Variants in SMIM9 observed in about 807,000 individuals in gnomAD.
SMIM9 encodes small integral membrane protein 9.
Under a neutral mutation model 7.2 loss-of-function variants are expected in SMIM9, and 8 were observed. The ratio of observed to expected loss-of-function variants is 1.10; its 90% confidence interval spans 0.65 to 1.99. The LOEUF (loss-of-function observed/expected upper bound fraction) is 1.99. Among genes scored for constraint, SMIM9 ranks in the 30% most tolerant of loss-of-function variants. The probability of loss-of-function intolerance (pLI) is 0.00; values close to 1 mark genes in which losing one functional copy is unlikely to be tolerated. For missense variants in SMIM9, 76 were observed against 69.3 expected, an observed-to-expected ratio of 1.10 and a Z score of -0.34; for synonymous variants, 19 against 26.4, an observed-to-expected ratio of 0.72 and a Z score of 0.86.
intron 2 of SMIM9, among the ~76,000 whole-genome samples, chrX:154,831,986 CTT>C (rs1557270618): frequency 1.8e-5 from 2 of 111,157 alleles, no homozygotes. Flanking sequence ...TTTTACTTTA[CTT>C]TATTATATGT....
rs1557270539 is a variant in SMIM9 at position 154,830,920 on chromosome X, T to G, written c.-64A>C. 1 of 1,085,145 alleles carries G rather than the reference T, an allele frequency of 9.2e-7. No individual in the cohort carries two copies. The highest frequency in any genetic ancestry group is 1.2e-6 in the Non-Finnish European group (1 of 816,891). The allele number at this position is 1,085,145 out of a possible 1,213,427, so 89.4% of individuals were successfully genotyped here. A position where few individuals can be genotyped will look rare whatever the true frequency, so the allele number is the denominator to read the frequency against. Reference sequence around the variant, plus strand: ...CCTAGCTCACTCTGCCAAGGAGAGATGTCTTTGTCCGTAGGTCTTTCCACA... The same window carrying G: ...CCTAGCTCACTCTGCCAAGGAGAGAGGTCTTTGTCCGTAGGTCTTTCCACA... On this transcript the variant is annotated 5_prime_UTR_variant, in exon 3 of 5. Coordinates refer to ENST00000369529, the MANE Select transcript of SMIM9 (RefSeq NM_001162936.4).
chrX:154,833,670 A>G (rs1401472883), intron 1 of SMIM9, among the ~76,000 whole-genome samples: 1 of 110,299 alleles, frequency 9.1e-6, no homozygotes, highest in African/African-American at 3.3e-5. Context: ...GCACATGTAT[A>G]CCTACGTAAC....
intron 1 of SMIM9, among the ~76,000 whole-genome samples, chrX:154,834,308 C>G (rs1285367131): frequency 1.8e-5 from 2 of 112,397 alleles, no homozygotes; most frequent in East Asian, 5.6e-4. Context: ...TCTGAAAGAG[C>G]TAAACACACA....
chrX:154,824,292 C>T (rs2072410268), intron 4 of SMIM9, among the ~76,000 whole-genome samples: 1 of 91,298 alleles, frequency 1.1e-5, no homozygotes, highest in African/African-American at 4.1e-5. Context: ...GGAGGCGGAG[C>T]TTGCAGTGAG....
intron 4 of SMIM9, among the ~76,000 whole-genome samples, chrX:154,824,355 C>CAAAAAAAAAAAAAAAAAA (rs375492512): frequency 4.7e-5 from 2 of 42,432 alleles, no homozygotes; most frequent in African/African-American, 1.7e-4. Context: ...GACTCCGTCT[C>CAAAAAAAAAAAAAAAAAA]AAAAAAAAAA....
chrX:154,825,160 C>T (rs1227397984), intron 4 of SMIM9, among the ~76,000 whole-genome samples: 2 of 111,343 alleles, frequency 1.8e-5, no homozygotes, highest in East Asian at 2.8e-4. Flanking sequence ...GAGGCCGAGG[C>T]GGGTGGATCA....
chrX:154,826,700 T>C lies in SMIM9; in HGVS notation c.272+2835A>G, dbSNP rs943134125. Among the ~76,000 whole-genome samples the C allele has an allele frequency of 4.4e-5, 5 of 112,939 alleles. No individual in the cohort carries two copies. In the East Asian group the frequency reaches 1.4e-3, roughly 31 times the overall value. On this transcript the variant is annotated intron_variant, in intron 4 of 4. Coordinates refer to ENST00000369529, the MANE Select transcript of SMIM9 (RefSeq NM_001162936.4). Reference sequence around the variant, plus strand: ...GCTTATACGTTTCTTGTGTTTTCCATATAGTAACTCTGCATAGATCTGGTG... The same window carrying C: ...GCTTATACGTTTCTTGTGTTTTCCACATAGTAACTCTGCATAGATCTGGTG...
At chrX:154,830,402 T>C (rs1557270468) in intron 3 of SMIM9, among the ~76,000 whole-genome samples, 1 of 110,872 alleles carries the variant, frequency 9.0e-6, no homozygotes, top group East Asian at 2.8e-4. Context: ...CCCAAAACAA[T>C]TTAAATTATC....
intron 3 of SMIM9, among the ~76,000 whole-genome samples, chrX:154,830,112 G>C (rs2072438009): frequency 1.8e-5 from 2 of 111,682 alleles, no homozygotes; most frequent in African/African-American, 6.5e-5. Context: ...AGGGCCACTG[G>C]AAGAAGGACC....
At chrX:154,829,459 G>A in intron 4 of SMIM9, 76 bp downstream of exon 4, 1 of 1,094,599 alleles carries the variant, frequency 9.1e-7, no homozygotes. Flanking sequence ...GCAGGCTGGT[G>A]AGCAACCTGT....
chrX:154,834,053 A>G (rs2072457188), intron 1 of SMIM9, among the ~76,000 whole-genome samples: 1 of 112,137 alleles, frequency 8.9e-6, no homozygotes, highest in Admixed American at 9.4e-5. Flanking sequence ...CTAGGTTGTG[A>G]CCCGAAACAC....
At chrX:154,827,131 G>T (rs782661611) in intron 4 of SMIM9, among the ~76,000 whole-genome samples, 26 of 112,182 alleles carry the variant, frequency 2.3e-4, no homozygotes, top group Non-Finnish European at 4.5e-4. Flanking sequence ...CTTTTTCTTG[G>T]CATATTGCCT....
chrX:154,828,092 T>C (rs2072429244), intron 4 of SMIM9, among the ~76,000 whole-genome samples: 1 of 111,852 alleles, frequency 8.9e-6, no homozygotes, highest in African/African-American at 3.3e-5. Context: ...TCATTAATTA[T>C]ACTCTGAATG....
rs2072441973 is a variant in SMIM9, at chrX:154,830,738, G to T, written c.119C>A (p.Thr40Lys). The change falls in exon 3 of 5, where the codon ACA (threonine) becomes AAA (lysine). Residue 40 changes from threonine to lysine, a missense_variant. Physicochemically the swap from Thr to Lys is moderately conservative, Grantham distance 78. Coordinates refer to ENST00000369529, the MANE Select transcript of SMIM9 (RefSeq NM_001162936.4). ...ACCCCCTGAGCGTGGTTTCGATCCT[G>T]TTTTTTCTTGTATTCCCAAGGCAGA... ...PLSALGIQEKTGSKPRSGGNH... is the reference protein window; with the variant it reads ...PLSALGIQEKKGSKPRSGGNH... 8.6e-7 allele frequency: 1 copy of T among 1,165,802 alleles called. No individual in the cohort carries two copies. The highest frequency in any genetic ancestry group is 2.6e-5 in the Admixed American group (1 of 38,370).
At chrX:154,828,064 A>G (rs782728599) in intron 4 of SMIM9, among the ~76,000 whole-genome samples, 45 of 111,642 alleles carry the variant, frequency 4.0e-4, no homozygotes, top group Admixed American at 1.6e-3. Flanking sequence ...TCCACCCCCT[A>G]TCTTCCACAG....
chrX:154,834,597 G>C lies in SMIM9; in HGVS notation c.-244C>G, dbSNP rs2072460723. On this transcript the variant is annotated 5_prime_UTR_variant, in exon 1 of 5. In the 5' UTR this introduces an upstream ATG that the reference lacks. Coordinates refer to ENST00000369529, the MANE Select transcript of SMIM9 (RefSeq NM_001162936.4). ...TCTGTAGGTTAGTTTTGGAGTGGAT[G>C]ATGAGATTGGAGTCATGTATCTGCT... The C allele has an allele frequency of 8.9e-6, 1 of 111,985 alleles. No homozygotes were observed. Among genetic ancestry groups the C allele is most frequent in the African/African-American group, 3.3e-5 (1 of 30,747 alleles). The allele number at this position is 111,985 out of a possible 1,213,427, so 9.2% of individuals were successfully genotyped here. A position where few individuals can be genotyped will look rare whatever the true frequency, so the allele number is the denominator to read the frequency against.
At chrX:154,830,666 A>G in intron 3 of SMIM9, 49 bp downstream of exon 3, 1 of 1,142,474 alleles carries the variant, frequency 8.8e-7, no homozygotes, top group Non-Finnish European at 1.2e-6. Flanking sequence ...TGAAACATGA[A>G]TCTTAAGTCC....
At chrX:154,828,418 T>C (rs2072430434) in intron 4 of SMIM9, among the ~76,000 whole-genome samples, 1 of 111,375 alleles carries the variant, frequency 9.0e-6, no homozygotes, top group East Asian at 2.8e-4. Flanking sequence ...CCTGGAGTCC[T>C]GGTAGGTAGG....
intron 4 of SMIM9, among the ~76,000 whole-genome samples, chrX:154,826,046 T>C: frequency 9.1e-6 from 1 of 109,505 alleles, no homozygotes; most frequent in African/African-American, 3.3e-5. Context: ...GTTGTGCACA[T>C]GTACCCTAAA....
Sources: gnomAD v4.1 joint callset for allele counts (sites outside exome capture counted in the v4.1 genomes callset) on GRCh38, gnomAD v4.1.1 for gene constraint, MANE v1.5 for transcripts, NCBI Gene and HGNC (gene_info 2026-07-23, HGNC 2026-07-21) for gene names.